The following MYH14 variants were observed in gnomAD, a reference collection of about 807,000 sequenced individuals.
MYH14 encodes myosin-14.
A neutral mutation model predicts 255.5 loss-of-function variants in MYH14; 123 were observed. That is an observed-to-expected ratio of 0.48 (90% confidence interval 0.42 to 0.56). MYH14 has a LOEUF of 0.56. Among genes scored for constraint, MYH14 ranks in the 20% least tolerant of loss-of-function variants. The pLI is 0.00. For synonymous variants in MYH14, 1,095 were observed against 1,161.2 expected, an observed-to-expected ratio of 0.94 and a Z score of 1.16; for missense variants, 2,423 against 2,802.3, an observed-to-expected ratio of 0.86 and a Z score of 3.06.
In MYH14 at chr19:50,266,382, G is replaced by A. The variant is rs943066306; in HGVS notation, c.2695-495G>A. On this transcript the variant is annotated intron_variant, in intron 22 of 42. Transcript: ENST00000642316. This position sits in a 1 kb window ranked among gnomAD's most constrained non-coding sequence, Gnocchi z 4.1. Reference sequence around the variant, plus strand: ...TGGAGACCAGCCTGGCCAACATAGCGAAACCCTCTCTACTGAAAGCACAAA... The same window carrying A: ...TGGAGACCAGCCTGGCCAACATAGCAAAACCCTCTCTACTGAAAGCACAAA... Among the ~76,000 whole-genome samples the A allele has an allele frequency of 6.6e-6, 1 of 152,114 alleles. No individual in the cohort carries two copies. The highest frequency in any genetic ancestry group is 1.5e-5 in the Non-Finnish European group (1 of 68,012).
Position 50,230,790 on chromosome 19 carries a change from G to A in MYH14, c.973+167G>A. The stretch of plus-strand genomic sequence containing the variant: ...CTGCTCTCGCTGCGTAGTGGCGTCT[G>A]TCGCACGGTGGGTTCTGCTGCGCTC... On this transcript the variant is annotated intron_variant, in intron 9 of 42. Transcript: ENST00000642316. The surrounding 1 kb of genome is among the most constrained non-coding windows in gnomAD (Gnocchi z 4.7). The A allele has an allele frequency of 1.6e-6, 1 of 623,034 alleles. No individual in the cohort carries two copies. The highest frequency in any genetic ancestry group is 2.8e-6 in the Non-Finnish European group (1 of 352,314). The allele number at this position is 623,034 out of a possible 1,614,324, so 38.6% of individuals were successfully genotyped here.
Position 50,217,658 on chromosome 19 carries a change from A to T in MYH14, c.449A>T (p.Gln150Leu). 6.2e-7 allele frequency: 1 copy of T among 1,613,778 alleles called. No homozygotes were observed. Among genetic ancestry groups the T allele is most frequent in the South Asian group, 1.1e-5 (1 of 91,068 alleles). The part of the protein sequence containing the change: ...LFCVVINPYK[Q>L]LPIYTEAIVE... ...TGTGTGGTCATCAACCCGTACAAGC[A>T]GCTTCCCATCTACACAGAAGCCATT... The change falls in exon 3 of 43, where the codon CAG (glutamine) becomes CTG (leucine). Residue 150 changes from glutamine to leucine, a missense_variant. This residue lies in a region of MYH14 where 238 missense variants were observed against 245.8 expected (regional missense o/e 0.97). Coordinates refer to ENST00000642316, the MANE Select transcript of MYH14 (RefSeq NM_001145809.2).
intron 16 of MYH14, among the ~76,000 whole-genome samples, chr19:50,253,190 C>T (rs1293052607): frequency 1.3e-5 from 2 of 152,094 alleles, no homozygotes; most frequent in African/African-American, 4.8e-5. Context: ...ACCTGTAATC[C>T]CAGCACTTTT....
intron 3 of MYH14, among the ~76,000 whole-genome samples, chr19:50,219,505 C>A (rs12986206): frequency 0.51 from 76,955 of 151,948 alleles, 22,074 homozygotes; most frequent in Non-Finnish European, 0.64. Context: ...ATCTTTGTTC[C>A]CTCTTTCTCC....
intron 2 of MYH14, among the ~76,000 whole-genome samples, chr19:50,213,390 G>C (rs1008408814): frequency 4.6e-4 from 70 of 152,290 alleles, no homozygotes; most frequent in African/African-American, 1.6e-3. Flanking sequence ...CTAGGAACCA[G>C]CTAAGCTAGA....
At chr19:50,207,616 G>C (rs1443502973) in intron 1 of MYH14, among the ~76,000 whole-genome samples, 1 of 152,168 alleles carries the variant, frequency 6.6e-6, no homozygotes, top group Non-Finnish European at 1.5e-5. Context: ...TTGAATGAAT[G>C]GGTCCAGTCT....
In MYH14 at chr19:50,276,163, G is replaced by A. The variant is rs371254530; in HGVS notation, c.3640G>A (p.Glu1214Lys). 36 of 1,561,120 alleles carry A rather than the reference G, an allele frequency of 2.3e-5. No homozygotes were observed. Among genetic ancestry groups the A allele is most frequent in the Non-Finnish European group, 3.5e-6 (4 of 1,154,604 alleles). The change falls in exon 28 of 43, where the codon GAG becomes AAG. Residue 1214 changes from glutamate to lysine, a missense_variant. Physicochemically the swap from Glu to Lys is moderately conservative, Grantham distance 56. Transcript: ENST00000642316. The surrounding 1 kb of genome is among the most constrained non-coding windows in gnomAD (Gnocchi z 4.3). ...EELEALRGELEDTLDSTNAQQ... is the reference protein window; with the variant it reads ...EELEALRGELKDTLDSTNAQQ... Reference sequence around the variant, plus strand: ...GCTGGAGGCGCTGCGGGGCGAGCTGGAGGACACGCTGGACTCCACCAACGC... The same window carrying A: ...GCTGGAGGCGCTGCGGGGCGAGCTGAAGGACACGCTGGACTCCACCAACGC...
chr19:50,268,455 G>C (rs2035176799), intron 24 of MYH14, 88 bp downstream of exon 24: 1 of 1,383,404 alleles, frequency 7.2e-7, no homozygotes, highest in Non-Finnish European at 9.7e-7. Flanking sequence ...GTGTGTCTTT[G>C]GGCCATGAAT....
intron 10 of MYH14, among the ~76,000 whole-genome samples, chr19:50,236,951 C>G (rs377044958): frequency 3.2e-4 from 49 of 152,244 alleles, no homozygotes; most frequent in Admixed American, 1.1e-3. Context: ...GCTGTCCCCC[C>G]AGGCCCTGTC....
At position 50,217,708 on chromosome 19, in the gene MYH14, C is replaced by T. The variant is rs759687206; in HGVS notation, c.499C>T (p.Arg167Cys). ...TGTGGAGATGTACCGGGGCAAGAAGCGCCACGAGGTGCCACCCCACGTGTA... is the reference window on the plus strand; with the variant it reads ...TGTGGAGATGTACCGGGGCAAGAAGTGCCACGAGGTGCCACCCCACGTGTA... ...AIVEMYRGKK[R>C]HEVPPHVYAV... is the part of the protein sequence containing the mutation. Residue 167 changes from arginine (R) to cysteine (C), a missense_variant, in exon 3 of 43, where the codon CGC becomes TGC. Coordinates refer to ENST00000642316, the MANE Select transcript of MYH14 (RefSeq NM_001145809.2). 6 of 1,613,968 alleles carry T rather than the reference C, an allele frequency of 3.7e-6. No homozygotes were observed. Among genetic ancestry groups the T allele is most frequent in the South Asian group, 3.3e-5 (3 of 91,090 alleles).
intron 10 of MYH14, among the ~76,000 whole-genome samples, chr19:50,242,768 C>T (rs2033941276): frequency 1.3e-5 from 2 of 152,172 alleles, no homozygotes; most frequent in Non-Finnish European, 2.9e-5. Context: ...ATTTACGGTC[C>T]TGCGTAGAAT....
At chr19:50,226,697 A>G (rs573997351) in intron 7 of MYH14, among the ~76,000 whole-genome samples, 9 of 152,250 alleles carry the variant, frequency 5.9e-5, no homozygotes, top group Admixed American at 3.9e-4. Flanking sequence ...GGGCTGGGGA[A>G]AGAAGTCCAA....
Position 50,259,161 on chromosome 19 carries a change from A to C in MYH14, c.2250A>C (p.Pro750=). The change falls in exon 19 of 43, where the codon CCA becomes CCC. Residue 750 remains proline (P), a synonymous_variant. Coordinates refer to ENST00000642316, the MANE Select transcript of MYH14 (RefSeq NM_001145809.2). ...NHEKRAGKLE[P]RLVLDQLRCN... ...CTCCCCAGGCCGGGAAGCTGGAGCC[A>C]CGGCTGGTGCTGGACCAGCTTCGCT... 1 of 1,556,892 alleles carries C rather than the reference A, an allele frequency of 6.4e-7. No homozygotes were observed. The highest frequency in any genetic ancestry group is 8.7e-7 in the Non-Finnish European group (1 of 1,149,904).
chr19:50,203,768 C>G (rs2031576390), intron 1 of MYH14, 97 bp downstream of exon 1: 1 of 149,350 alleles, frequency 6.7e-6, no homozygotes, highest in Non-Finnish European at 1.5e-5. Context: ...CCCGGGAGCC[C>G]GGGCAGGCGG....
At chr19:50,238,479 C>T (rs1343781087) in intron 10 of MYH14, among the ~76,000 whole-genome samples, 1 of 152,122 alleles carries the variant, frequency 6.6e-6, no homozygotes, top group East Asian at 1.9e-4. Context: ...GAGTCTAGCG[C>T]TCTGTTGCCC....
chr19:50,303,369 G>C (rs2036556508), intron 40 of MYH14, among the ~76,000 whole-genome samples: 1 of 152,118 alleles, frequency 6.6e-6, no homozygotes, highest in African/African-American at 2.4e-5. Context: ...TCATCCTCCA[G>C]GAGGCTAGCC....
chr19:50,264,024 G>A (rs1250449361), intron 22 of MYH14, among the ~76,000 whole-genome samples: 3 of 132,758 alleles, frequency 2.3e-5, no homozygotes. Flanking sequence ...GTCACTACAT[G>A]TAGCCTGGGC....
chr19:50,229,683 A>G (rs558825419), intron 8 of MYH14, among the ~76,000 whole-genome samples: 1 of 152,244 alleles, frequency 6.6e-6, no homozygotes, highest in South Asian at 2.1e-4. Context: ...AAGTCTTGCC[A>G]CCTTTTAATA....
In MYH14 at chr19:50,230,865, G is replaced by A. The variant is rs893903123; in HGVS notation, c.973+242G>A. On this transcript the variant is annotated intron_variant, in intron 9 of 42. Coordinates refer to ENST00000642316, the MANE Select transcript of MYH14 (RefSeq NM_001145809.2). The surrounding 1 kb of genome is among the most constrained non-coding windows in gnomAD (Gnocchi z 4.7). ...GGCTCGCGCCCGCTGTCACGGCCAC[G>A]CAGCCCCCGCCGCCTGGTGGCTCCT... 3.8e-5 allele frequency: 19 copies of A among 501,928 alleles called. No individual in the cohort carries two copies. The highest frequency in any genetic ancestry group is 5.4e-5 in the South Asian group (2 of 37,238). 31.1% of individuals were successfully genotyped at this position (501,928 alleles called of 1,614,324 possible).
Sources: allele counts gnomAD v4.1 joint callset (sites outside exome capture counted in the v4.1 genomes callset), GRCh38; gene constraint gnomAD v4.1.1; regional missense constraint gnomAD v4.1.1; non-coding constraint Gnocchi (gnomAD v3.1); transcripts MANE v1.5; gene names NCBI Gene and HGNC (gene_info 2026-07-23, HGNC 2026-07-21).